Variants in CERS6 observed in about 807,000 individuals in gnomAD.
CERS6 encodes the protein LAG1 homolog, ceramide synthase 6.
A neutral mutation model predicts 56.8 loss-of-function variants in CERS6; 26 were observed. That is an observed-to-expected ratio of 0.46 (90% CI 0.34 to 0.63). CERS6 has a LOEUF of 0.63. CERS6 is among the 30% of genes least tolerant of loss of function. CERS6 has a pLI of 0.01. For missense variants in CERS6, 415 were observed against 467.5 expected (o/e 0.89, Z 1.04); for synonymous variants, 164 against 173.3 (o/e 0.95, Z 0.42).
chr2:168,510,194 A>G (rs1694754381), intron 1 of CERS6, among the ~76,000 whole-genome samples: 1 of 151,960 alleles, frequency 6.6e-6, no homozygotes, highest in Non-Finnish European at 1.5e-5. Context: ...TTATTCCTCC[A>G]TAAGGATTAA....
chr2:168,617,917 A>G (rs1332236792), intron 3 of CERS6, among the ~76,000 whole-genome samples: 6 of 152,174 alleles, frequency 3.9e-5, no homozygotes, highest in Admixed American at 3.9e-4. Context: ...AAACCAAGAA[A>G]GGACATAACC....
At chr2:168,736,289 T>G (rs965945583) in intron 8 of CERS6, among the ~76,000 whole-genome samples, 1 of 152,188 alleles carries the variant, frequency 6.6e-6, no homozygotes, top group Non-Finnish European at 1.5e-5. Flanking sequence ...AAAACGATAG[T>G]TGATACATGT....
intron 9 of CERS6, among the ~76,000 whole-genome samples, chr2:168,767,314 C>T (rs1181740464): frequency 6.6e-6 from 1 of 152,144 alleles, no homozygotes. Flanking sequence ...CTAAATTGTC[C>T]TTTCTTTGAA....
At chr2:168,469,684 A>G (rs1014708318) in intron 1 of CERS6, among the ~76,000 whole-genome samples, 7 of 152,294 alleles carry the variant, frequency 4.6e-5, no homozygotes, top group African/African-American at 1.4e-4. Flanking sequence ...TTAGTCTTTT[A>G]TTGGCACCAT....
chr2:168,515,518 C>A (rs1694870078), intron 1 of CERS6, among the ~76,000 whole-genome samples: 1 of 152,122 alleles, frequency 6.6e-6, no homozygotes, highest in Non-Finnish European at 1.5e-5. Flanking sequence ...AAAGTGGGGA[C>A]CACTTTAAGT....
intron 4 of CERS6, chr2:168,644,207 G>A: frequency 1.1e-6 from 1 of 933,386 alleles, no homozygotes; most frequent in Non-Finnish European, 1.3e-6. Context: ...GAAGGGGGAG[G>A]GAGGATTTCA....
chr2:168,567,620 G>A (rs886364200), intron 3 of CERS6, among the ~76,000 whole-genome samples: 3 of 152,200 alleles, frequency 2.0e-5, no homozygotes, highest in Admixed American at 1.3e-4. Context: ...GCTGGATTTG[G>A]CCCTCTAGCC....
rs115348970 is a variant in CERS6, at chr2:168,502,456, C to T, written c.171-45140C>T. 6.8e-3 allele frequency among the ~76,000 whole-genome samples: 1,036 copies of T among 152,094 alleles called. 13 individuals are homozygous for T. The highest frequency in any genetic ancestry group is 0.024 in the African/African-American group (998 of 41,484). On this transcript the variant is annotated intron_variant, in intron 1 of 9. Transcript: ENST00000305747. ...GGAGAAGAAGTCACTCACAGGTTAT[C>T]GCTAAAGTGATAGCTTTGGCTGCTT... is the stretch of plus-strand genomic sequence containing the variant.
intron 2 of CERS6, among the ~76,000 whole-genome samples, chr2:168,559,734 C>CTAT (rs1695752127): frequency 2.3e-5 from 2 of 85,508 alleles, no homozygotes; most frequent in African/African-American, 7.7e-5. Flanking sequence ...AGAAAGGTAT[C>CTAT]ATATATATAT....
chr2:168,731,504 T>C (rs1035977529), intron 8 of CERS6, among the ~76,000 whole-genome samples: 1 of 152,084 alleles, frequency 6.6e-6, no homozygotes, highest in Non-Finnish European at 1.5e-5. Flanking sequence ...CTCATGGAAA[T>C]ATAAGGGTAT....
chr2:168,524,145 A>G (rs561058904), intron 1 of CERS6, among the ~76,000 whole-genome samples: 1 of 152,280 alleles, frequency 6.6e-6, no homozygotes, highest in South Asian at 2.1e-4. Context: ...TTTGTAACCT[A>G]TAGAAGCAGG....
intron 1 of CERS6, among the ~76,000 whole-genome samples, chr2:168,531,136 A>T (rs1695159018): frequency 6.6e-6 from 1 of 152,196 alleles, no homozygotes; most frequent in Non-Finnish European, 1.5e-5. Flanking sequence ...GAAGAATGCA[A>T]GATGACTTAA....
In CERS6 at chr2:168,631,142, T is replaced by C. The variant is rs55800919; in HGVS notation, c.465+100T>C. 1,338 of 551,410 alleles carry C rather than the reference T, an allele frequency of 2.4e-3. 16 individuals carry two copies. The highest frequency in any genetic ancestry group is 0.024 in the African/African-American group (1,209 of 51,164). The allele number at this position is 551,410 out of a possible 1,614,324, so 34.2% of individuals were successfully genotyped here. Reference sequence around the variant, plus strand: ...GTGACTGTAATAATATTTTAGGTAATCATATCAGGCTTCCTAAGAATTATT... The same window carrying C: ...GTGACTGTAATAATATTTTAGGTAACCATATCAGGCTTCCTAAGAATTATT... On this transcript the variant is annotated intron_variant, in intron 4 of 9. Coordinates refer to ENST00000305747, the MANE Select transcript of CERS6 (RefSeq NM_203463.3).
intron 8 of CERS6, among the ~76,000 whole-genome samples, chr2:168,747,769 A>G (rs1202730680): frequency 3.9e-5 from 6 of 152,112 alleles, no homozygotes; most frequent in African/African-American, 1.4e-4. Context: ...AAATATGCAT[A>G]TACCCCCAGT....
intron 1 of CERS6, among the ~76,000 whole-genome samples, chr2:168,501,936 A>G (rs575112724): frequency 3.3e-5 from 5 of 152,198 alleles, no homozygotes; most frequent in Non-Finnish European, 7.4e-5. Flanking sequence ...GTGAGAATAC[A>G]TGTCAACCAT....
At chr2:168,732,698 A>G (rs933849533) in intron 8 of CERS6, among the ~76,000 whole-genome samples, 6 of 152,208 alleles carry the variant, frequency 3.9e-5, no homozygotes, top group Admixed American at 1.3e-4. Context: ...AACCCATACC[A>G]GACATAACTG....
chr2:168,621,304 A>G (rs1002667), intron 3 of CERS6, among the ~76,000 whole-genome samples: 46,069 of 152,060 alleles, frequency 0.3, 7,876 homozygotes, highest in African/African-American at 0.47. Flanking sequence ...TATTGACTGA[A>G]TTTAATTTTG....
intron 8 of CERS6, among the ~76,000 whole-genome samples, chr2:168,736,773 T>C (rs1253637712): frequency 6.6e-6 from 1 of 152,246 alleles, no homozygotes; most frequent in Non-Finnish European, 1.5e-5. Flanking sequence ...CTTCCAGGTT[T>C]TCAGATGGAG....
chr2:168,631,923 C>G (rs1684756256), intron 4 of CERS6, among the ~76,000 whole-genome samples: 1 of 142,430 alleles, frequency 7.0e-6, no homozygotes, highest in Non-Finnish European at 1.5e-5. Flanking sequence ...CTGTCTCTCT[C>G]TCTCTCGCCT....
Sources: gnomAD v4.1 joint callset for allele counts (sites outside exome capture counted in the v4.1 genomes callset) on GRCh38, gnomAD v4.1.1 for gene constraint, MANE v1.5 for transcripts, NCBI Gene and HGNC (gene_info 2026-07-23, HGNC 2026-07-21) for gene names.